NEBL: variants seen among roughly 807,000 people sequenced by gnomAD.
NEBL encodes LIM and SH3 protein 2.
Under a neutral mutation model 140.2 loss-of-function variants are expected in NEBL, and 122 were observed. The ratio of observed to expected loss-of-function variants is 0.87; its 90% CI spans 0.75 to 1.01. The LOEUF (loss-of-function observed/expected upper bound fraction) is 1.01, where lower values mean the gene tolerates loss of function less well. Among genes scored for constraint, NEBL ranks in the 50% least tolerant of loss-of-function variants. The probability of loss-of-function intolerance (pLI) is 0.00; values close to 1 mark genes in which losing one functional copy is unlikely to be tolerated. For synonymous variants in NEBL, 436 were observed against 398.9 expected, an observed-to-expected ratio of 1.09 and a Z score of -1.11; for missense variants, 1,365 against 1,231.3, an observed-to-expected ratio of 1.11 and a Z score of -1.62.
intron 4 of NEBL, among the ~76,000 whole-genome samples, chr10:20,959,413 ATC>A (rs1835949410): frequency 6.6e-6 from 1 of 152,110 alleles, no homozygotes; most frequent in Non-Finnish European, 1.5e-5. Flanking sequence ...GTCAAAAAAT[ATC>A]TGTTTGGGTT....
chr10:20,939,403 C>A (rs1232064733), intron 4 of NEBL, among the ~76,000 whole-genome samples: 1 of 152,252 alleles, frequency 6.6e-6, no homozygotes, highest in Admixed American at 6.5e-5. Flanking sequence ...TTGTCACCAC[C>A]AAGCCTGCCC....
At chr10:20,792,374 G>A (rs546675641) in intron 26 of NEBL, among the ~76,000 whole-genome samples, 13 of 152,288 alleles carry the variant, frequency 8.5e-5, no homozygotes, top group African/African-American at 3.1e-4. Flanking sequence ...ATAACTTAAT[G>A]AGGTTTTGTT....
intron 26 of NEBL, among the ~76,000 whole-genome samples, chr10:20,800,825 C>T (rs955551371): frequency 1.3e-5 from 2 of 151,986 alleles, no homozygotes; most frequent in African/African-American, 4.8e-5. Context: ...ATCTAAACAA[C>T]GCAATGCAGA....
chr10:20,885,236 GTTC>G (rs1355426400), intron 4 of NEBL, among the ~76,000 whole-genome samples: 6 of 152,016 alleles, frequency 3.9e-5, no homozygotes, highest in East Asian at 1.9e-4. Flanking sequence ...CTGTCAAATA[GTTC>G]TTCTACTTTC....
At chr10:21,280,984 G>A (rs1842985825) in intron 1 of NEBL, among the ~76,000 whole-genome samples, 1 of 152,118 alleles carries the variant, frequency 6.6e-6, no homozygotes, top group African/African-American at 2.4e-5. Context: ...ATATTGTATA[G>A]GATGGTAGAG....
intron 3 of NEBL, among the ~76,000 whole-genome samples, chr10:21,014,873 A>G (rs769923103): frequency 2.0e-5 from 3 of 152,224 alleles, no homozygotes; most frequent in Non-Finnish European, 4.4e-5. Context: ...ACTATCATTT[A>G]TCGTACTTCC....
intron 22 of NEBL, 86 bp downstream of exon 22, chr10:20,815,539 T>G (rs903121188): frequency 1.0e-5 from 11 of 1,101,590 alleles, no homozygotes; most frequent in Non-Finnish European, 1.5e-5. Context: ...GAAAATAAGT[T>G]TTATTTTCAC....
intron 1 of NEBL, among the ~76,000 whole-genome samples, chr10:21,268,699 T>C (rs1842827488): frequency 6.6e-6 from 1 of 151,904 alleles, no homozygotes; most frequent in African/African-American, 2.4e-5. Flanking sequence ...AAATTCTGTA[T>C]TTTTCAATAG....
At chr10:21,271,714 C>G (rs537177178) in intron 1 of NEBL, among the ~76,000 whole-genome samples, 1 of 150,378 alleles carries the variant, frequency 6.6e-6, no homozygotes, top group African/African-American at 2.4e-5. Context: ...TTAGTAGAGA[C>G]GGGGTTTCAC....
exon 2 of NEBL, chr10:21,172,409 G>A (rs781552691): frequency 6.2e-7 from 1 of 1,613,214 alleles, no homozygotes; most frequent in South Asian, 1.1e-5. Flanking sequence ...TCTTTTCATA[G>A]CCTTTGTAGT....
chr10:21,080,596 AT>A (rs1836320079), intron 2 of NEBL, among the ~76,000 whole-genome samples: 1 of 152,254 alleles, frequency 6.6e-6, no homozygotes. Flanking sequence ...TGTAATAAAA[AT>A]AATTTTCCCA....
intron 26 of NEBL, among the ~76,000 whole-genome samples, chr10:20,801,845 A>G (rs1837156200): frequency 6.6e-6 from 1 of 152,182 alleles, no homozygotes; most frequent in African/African-American, 2.4e-5. Flanking sequence ...GAAACGCCGG[A>G]AGCATAGCCT....
chr10:20,999,163 A>C (rs749841112), intron 3 of NEBL, among the ~76,000 whole-genome samples: 5 of 119,586 alleles, frequency 4.2e-5, no homozygotes, highest in African/African-American at 1.4e-4. Flanking sequence ...GTGTGGGGGG[A>C]AAAAAAAAAA....
chr10:20,787,819 G>T (rs141949297), intron 26 of NEBL, among the ~76,000 whole-genome samples: 1 of 151,960 alleles, frequency 6.6e-6, no homozygotes, highest in Non-Finnish European at 1.5e-5. Flanking sequence ...ACGTTTGTTC[G>T]GTAGTTAACA....
At chr10:21,207,962 A>G (rs1206155127) in intron 3 of NEBL, among the ~76,000 whole-genome samples, 2 of 152,202 alleles carry the variant, frequency 1.3e-5, no homozygotes, top group Admixed American at 6.5e-5. Context: ...CAGTGGTGTC[A>G]CAGGACCAAC....
intron 10 of NEBL, among the ~76,000 whole-genome samples, chr10:20,851,987 T>C (rs541941979): frequency 9.5e-5 from 1 of 10,568 alleles, no homozygotes; most frequent in Admixed American, 3.5e-4. Context: ...GGAACTGACA[T>C]CTTTGCAACT....
At chr10:21,260,631 G>A (rs566977336) in intron 1 of NEBL, among the ~76,000 whole-genome samples, 6 of 152,092 alleles carry the variant, frequency 3.9e-5, no homozygotes, top group Admixed American at 1.3e-4. Flanking sequence ...CAAGTATTCC[G>A]TTAAAACCCA....
At chr10:21,201,574 A>G (rs751502361) in intron 3 of NEBL, among the ~76,000 whole-genome samples, 36 of 152,054 alleles carry the variant, frequency 2.4e-4, no homozygotes, top group Non-Finnish European at 3.7e-4. Flanking sequence ...GAACCTGAAT[A>G]TGTATTTTTT....
chr10:20,994,118 G>A lies in NEBL; in HGVS notation c.249+25999C>T, dbSNP rs1400185051. Among the ~76,000 whole-genome samples the A allele has an allele frequency of 4.6e-5, 7 of 152,132 alleles. No individual in the cohort carries two copies. In the South Asian group the frequency reaches 6.2e-4, roughly 14 times the overall value. On this transcript the variant is annotated intron_variant, in intron 3 of 6. Transcript: ENST00000417816. The stretch of plus-strand genomic sequence containing the variant: ...AATGCAAAGCGATTCTTCCCATCCC[G>A]TAATTTAAACTGTCTTTCAGTTCAG...
Sources: allele counts gnomAD v4.1 joint callset (sites outside exome capture counted in the v4.1 genomes callset), GRCh38; gene constraint gnomAD v4.1.1; transcripts MANE v1.5; gene names NCBI Gene and HGNC (gene_info 2026-07-23, HGNC 2026-07-21).